Variants in EYS observed in about 807,000 individuals in gnomAD.
EYS encodes the protein protein eyes shut homolog.
EYS carries 250 observed loss-of-function variants against 282.1 expected under a neutral mutation model. The observed-to-expected ratio is 0.89, with a 90% CI of 0.80 to 0.98. The LOEUF (loss-of-function observed/expected upper bound fraction) is 0.98, where lower values mean the gene tolerates loss of function less well. Among genes scored for constraint, EYS ranks in the 50% least tolerant of loss-of-function variants. The pLI, the probability that EYS is intolerant of heterozygous loss-of-function variation, is 0.00. For synonymous variants in EYS, 1,355 were observed against 1,282.9 expected (o/e 1.06, Z -1.20); for missense variants, 4,016 against 3,709.0 (o/e 1.08, Z -2.15).
chr6:64,856,274 G>A (rs917951068), intron 19 of EYS, among the ~76,000 whole-genome samples: 4 of 151,918 alleles, frequency 2.6e-5, no homozygotes, highest in African/African-American at 4.8e-5. Flanking sequence ...CCAGCATTTG[G>A]TATCATTTGG....
At chr6:64,302,026 A>C (rs185645853) in intron 30 of EYS, among the ~76,000 whole-genome samples, 28 of 152,322 alleles carry the variant, frequency 1.8e-4, no homozygotes, top group Middle Eastern at 3.4e-3. Flanking sequence ...TCCACTCTAA[A>C]GCACACCCTG....
At chr6:65,421,228 C>T (rs570817525) in intron 5 of EYS, among the ~76,000 whole-genome samples, 25 of 151,588 alleles carry the variant, frequency 1.6e-4, no homozygotes, top group Non-Finnish European at 3.4e-4. Flanking sequence ...GGTATAACAA[C>T]CTTCATCAAT....
At chr6:64,798,516 T>G (rs1403774878) in intron 22 of EYS, among the ~76,000 whole-genome samples, 1 of 151,344 alleles carries the variant, frequency 6.6e-6, no homozygotes, top group Non-Finnish European at 1.5e-5. Context: ...GTTATCCATG[T>G]AGTTCTGTGC....
At chr6:65,647,098 C>A (rs1443772337) in intron 1 of EYS, among the ~76,000 whole-genome samples, 3 of 151,956 alleles carry the variant, frequency 2.0e-5, no homozygotes, top group African/African-American at 7.2e-5. Context: ...CCAAAAGCAA[C>A]CTACAAATTA....
chr6:64,391,999 T>G (rs2150428253), intron 28 of EYS, among the ~76,000 whole-genome samples: 1 of 151,784 alleles, frequency 6.6e-6, no homozygotes, highest in East Asian at 1.9e-4. Context: ...AAACAGACTT[T>G]AAACCAACAA....
intron 26 of EYS, among the ~76,000 whole-genome samples, chr6:64,508,788 T>A (rs1777293683): frequency 6.6e-6 from 1 of 152,016 alleles, no homozygotes; most frequent in East Asian, 1.9e-4. Context: ...AGTTGCTACC[T>A]AAGCTCTCCA....
At chr6:65,215,187 A>G (rs1766281358) in intron 12 of EYS, among the ~76,000 whole-genome samples, 1 of 152,188 alleles carries the variant, frequency 6.6e-6, no homozygotes, top group African/African-American at 2.4e-5. Flanking sequence ...GATTCCACTT[A>G]TGGATCTTGG....
chr6:64,111,537 C>T (rs560511597), intron 31 of EYS, among the ~76,000 whole-genome samples: 5 of 151,900 alleles, frequency 3.3e-5, no homozygotes, highest in East Asian at 1.9e-4. Flanking sequence ...AAATTGAGAC[C>T]GAAGGTAATA....
intron 12 of EYS, among the ~76,000 whole-genome samples, chr6:65,062,385 C>G (rs1385648952): frequency 1.3e-5 from 2 of 151,942 alleles, no homozygotes; most frequent in Non-Finnish European, 2.9e-5. Flanking sequence ...CTATTTATCT[C>G]CATCTCTATT....
intron 26 of EYS, among the ~76,000 whole-genome samples, chr6:64,502,681 C>A (rs890097831): frequency 1.3e-5 from 2 of 151,790 alleles, no homozygotes; most frequent in African/African-American, 4.8e-5. Flanking sequence ...TTGTTTTTCT[C>A]TGCTATTGAC....
chr6:64,734,904 ATATT>A (rs1009761968), intron 22 of EYS, among the ~76,000 whole-genome samples: 1 of 152,060 alleles, frequency 6.6e-6, no homozygotes, highest in Non-Finnish European at 1.5e-5. Context: ...TAGGAATTCT[ATATT>A]TATTATTCTA....
chr6:65,507,492 T>C (rs2127283584), intron 2 of EYS, among the ~76,000 whole-genome samples: 1 of 152,248 alleles, frequency 6.6e-6, no homozygotes, highest in African/African-American at 2.4e-5. Context: ...TTTGGAAAGT[T>C]TTCAGCCATT....
intron 19 of EYS, among the ~76,000 whole-genome samples, chr6:64,868,566 G>T (rs1259146625): frequency 2.6e-5 from 4 of 151,360 alleles, no homozygotes; most frequent in African/African-American, 9.7e-5. Flanking sequence ...ATTATTCTTA[G>T]AATTAATAAA....
Position 64,813,550 on chromosome 6 carries a change from C to A in EYS, c.3271G>T (p.Glu1091Ter). ...NDCTSIPCMN[E>*]GFCQKSAHGF... ...TGTGCTGACTTCTGACAGAAGCCTT[C>A]ATTCATACAAGGGATTGATGTGCAG... The change falls in exon 22 of 43, where the codon GAA becomes TAA. Residue 1091 changes from glutamate to a stop codon, truncating the protein, a stop_gained. Transcript: ENST00000503581. LOFTEE classifies it high-confidence loss of function. 1 of 1,549,548 alleles carries A rather than the reference C, an allele frequency of 6.5e-7. No homozygotes were observed. The highest frequency in any genetic ancestry group is 8.7e-7 in the Non-Finnish European group (1 of 1,145,618).
At position 64,759,523 on chromosome 6, in the gene EYS, CTAA is replaced by C. The variant is rs544342619; in HGVS notation, c.3443+53852_3443+53854del. On this transcript the variant is annotated intron_variant, in intron 22 of 42. Coordinates refer to ENST00000503581, the MANE Select transcript of EYS (RefSeq NM_001142800.2). The stretch of plus-strand genomic sequence containing the variant: ...TCATCCTATTTTTAGGCAAATATAA[CTAA>C]TAATTTAATTACACTTATGCTCTTA... Among the ~76,000 whole-genome samples, 34 of 152,118 alleles carry C rather than the reference CTAA, an allele frequency of 2.2e-4. No homozygotes were observed. In the East Asian group the frequency reaches 5.6e-3, roughly 25 times the overall value.
At chr6:63,970,355 G>T (rs1766504764) in intron 35 of EYS, among the ~76,000 whole-genome samples, 2 of 152,250 alleles carry the variant, frequency 1.3e-5, no homozygotes, top group African/African-American at 2.4e-5. Flanking sequence ...TGTGGGATGG[G>T]TCTGGCCCAG....
At chr6:65,407,263 T>C (rs74342519) in intron 5 of EYS, among the ~76,000 whole-genome samples, 3 of 152,194 alleles carry the variant, frequency 2.0e-5, no homozygotes, top group African/African-American at 7.2e-5. Context: ...TTTTTATTCA[T>C]TTATTTTTTT....
chr6:64,610,985 A>G (rs998673053), intron 24 of EYS, among the ~76,000 whole-genome samples: 14 of 151,894 alleles, frequency 9.2e-5, no homozygotes, highest in Non-Finnish European at 2.1e-4. Context: ...TTTCCCCCCC[A>G]TAGCACTCAT....
intron 31 of EYS, among the ~76,000 whole-genome samples, chr6:64,193,807 A>C (rs1311089950): frequency 6.6e-6 from 1 of 152,034 alleles, no homozygotes; most frequent in Non-Finnish European, 1.5e-5. Context: ...AGCTTCATCC[A>C]TGTCCCTACA....
Sources: gnomAD v4.1 joint callset for allele counts (sites outside exome capture counted in the v4.1 genomes callset) on GRCh38, gnomAD v4.1.1 for gene constraint, MANE v1.5 for transcripts, NCBI Gene and HGNC (gene_info 2026-07-23, HGNC 2026-07-21) for gene names.